The following RSPH14 variants were observed in gnomAD, a reference collection of about 807,000 sequenced individuals.
RSPH14 encodes rhabdoid tumor deletion region gene 1.
Under a neutral mutation model 26.7 loss-of-function variants are expected in RSPH14, and 20 were observed. The observed-to-expected ratio is 0.75, with a 90% CI of 0.53 to 1.09. RSPH14 has a LOEUF of 1.09. Among genes scored for constraint, RSPH14 ranks in the 50% least tolerant of loss-of-function variants. The pLI, the probability that RSPH14 is intolerant of heterozygous loss-of-function variation, is 0.00. For synonymous variants in RSPH14, 177 were observed against 189.3 expected, an observed-to-expected ratio of 0.93 and a Z score of 0.53; for missense variants, 449 against 457.2, an observed-to-expected ratio of 0.98 and a Z score of 0.16.
chr22:23,085,734 C>T (rs892163353), intron 4 of RSPH14, among the ~76,000 whole-genome samples: 3 of 152,222 alleles, frequency 2.0e-5, no homozygotes, highest in Admixed American at 2.0e-4. Flanking sequence ...GGCCCTGGTT[C>T]CCCATGTACC....
chr22:23,077,108 G>A (rs929827713), intron 4 of RSPH14, among the ~76,000 whole-genome samples: 3 of 152,088 alleles, frequency 2.0e-5, no homozygotes, highest in Admixed American at 6.5e-5. Flanking sequence ...TGTCTGCAGC[G>A]GGCACGGGAG....
At chr22:23,123,637 GCA>G in intron 4 of RSPH14, 29 of 579,202 alleles carry the variant, frequency 5.0e-5, no homozygotes, top group Non-Finnish European at 6.5e-5. Context: ...ACACACACAT[GCA>G]CACACACACA....
intron 4 of RSPH14, chr22:23,123,022 G>A: frequency 9.5e-7 from 1 of 1,057,970 alleles, no homozygotes; most frequent in Non-Finnish European, 1.4e-6. Flanking sequence ...TGGCAGGGCT[G>A]CAGGTCTAGG....
intron 4 of RSPH14, chr22:23,095,809 G>C (rs1210499666): frequency 6.2e-7 from 1 of 1,613,506 alleles, no homozygotes; most frequent in Non-Finnish European, 8.5e-7. Flanking sequence ...AGCTGCTCCT[G>C]CTGGGCACCA....
At chr22:23,083,019 G>T (rs2068723574) in intron 4 of RSPH14, among the ~76,000 whole-genome samples, 1 of 152,172 alleles carries the variant, frequency 6.6e-6, no homozygotes. Flanking sequence ...GAGACTGGGA[G>T]ACCAGGCAGG....
At chr22:23,157,874 T>C in the RSPH14 span, 13 of 1,568,934 alleles carry the variant, frequency 8.3e-6, no homozygotes, top group South Asian at 6.0e-5. Context: ...GTTCCGGTGC[T>C]GAGTGCCTGG....
chr22:23,159,714 TCAC>T, the RSPH14 span, among the ~76,000 whole-genome samples: 253 of 152,282 alleles, frequency 1.7e-3, 2 homozygotes, highest in African/African-American at 4.5e-3. Flanking sequence ...GCATGTGACA[TCAC>T]CTGGCATAGA....
the RSPH14 span, among the ~76,000 whole-genome samples, chr22:23,176,153 C>T: frequency 6.6e-6 from 1 of 152,224 alleles, no homozygotes; most frequent in African/African-American, 2.4e-5. Flanking sequence ...CATGGATGGG[C>T]TATGCGGACC....
intron 4 of RSPH14, among the ~76,000 whole-genome samples, chr22:23,126,125 C>T (rs899379931): frequency 6.6e-6 from 1 of 152,186 alleles, no homozygotes; most frequent in African/African-American, 2.4e-5. Flanking sequence ...GCTTTTAATG[C>T]CAACTGTGAA....
intron 4 of RSPH14, among the ~76,000 whole-genome samples, chr22:23,082,749 A>T (rs1486187540): frequency 6.6e-6 from 1 of 151,986 alleles, no homozygotes; most frequent in African/African-American, 2.4e-5. Context: ...ACCCAAGCGG[A>T]AGAGTCCAGG....
At chr22:23,123,857 C>CCAGCT (rs1020791007) in intron 4 of RSPH14, 4 of 222,434 alleles carry the variant, frequency 1.8e-5, no homozygotes, top group Non-Finnish European at 3.6e-5. Context: ...TGGAGGAGGG[C>CCAGCT]CAGCTCGCTG....
chr22:23,110,062 C>T (rs1335320188), intron 4 of RSPH14, among the ~76,000 whole-genome samples: 1 of 152,204 alleles, frequency 6.6e-6, no homozygotes, highest in African/African-American at 2.4e-5. Flanking sequence ...CTGTAAGTGA[C>T]CCTGGTCATC....
chr22:23,140,949 G>A (rs1348771016), intron 1 of RSPH14, among the ~76,000 whole-genome samples: 5 of 152,232 alleles, frequency 3.3e-5, no homozygotes, highest in Non-Finnish European at 7.3e-5. Flanking sequence ...CTAGAAGCCA[G>A]TGTTCAAATC....
upstream of RSPH14, chr22:23,146,458 C>A: frequency 7.5e-7 from 1 of 1,337,042 alleles, no homozygotes; most frequent in Non-Finnish European, 9.7e-7. Flanking sequence ...GTGATCCTCC[C>A]ACCTTGGCCT....
At chr22:23,109,048 C>T (rs556234013) in intron 4 of RSPH14, among the ~76,000 whole-genome samples, 1 of 152,294 alleles carries the variant, frequency 6.6e-6, no homozygotes, top group South Asian at 2.1e-4. Context: ...GATGTGTCAT[C>T]GTGGGAAGAG....
At chr22:23,123,084 C>A in intron 4 of RSPH14, 1 of 1,605,530 alleles carries the variant, frequency 6.2e-7, no homozygotes, top group Non-Finnish European at 8.5e-7. Context: ...TTCCTTTCCC[C>A]AGAGTCGGAT....
chr22:23,091,701 C>T (rs796116606), intron 4 of RSPH14, among the ~76,000 whole-genome samples: 2 of 152,350 alleles, frequency 1.3e-5, no homozygotes, highest in African/African-American at 2.4e-5. Flanking sequence ...CACACACGCA[C>T]CGCAATGGAC....
At position 23,130,515 on chromosome 22, in the gene RSPH14, A is replaced by AGAAAGAAAGAAAGAAAGAAC. The variant is rs1569193204; in HGVS notation, c.421+3510_421+3511insGTTCTTTCTTTCTTTCTTTC. Among the ~76,000 whole-genome samples the AGAAAGAAAGAAAGAAAGAAC allele has an allele frequency of 4.0e-5, 6 of 151,488 alleles. No homozygotes were observed. In the East Asian group the frequency reaches 9.7e-4, roughly 24 times the overall value. ...GAAAGAAAAAGAAAGAAAGAAAGAA[A>AGAAAGAAAGAAAGAAAGAAC]GAAAGAAAGAAAGAAAGAGAAAGAA... On this transcript the variant is annotated intron_variant, in intron 4 of 6. Coordinates refer to ENST00000216036, the MANE Select transcript of RSPH14 (RefSeq NM_014433.3).
the RSPH14 span, among the ~76,000 whole-genome samples, chr22:23,151,391 GCCCTCTGGGAGCAGGGTAGACACAAT>G: frequency 5.9e-5 from 9 of 152,200 alleles, no homozygotes; most frequent in Admixed American, 4.6e-4. Flanking sequence ...GAACGAAAGG[GCCCTCTGGGAGCAGGGTAGACACAAT>G]CCCTGCTCTC....
Sources: gnomAD v4.1 joint callset for allele counts (sites outside exome capture counted in the v4.1 genomes callset) on GRCh38, gnomAD v4.1.1 for gene constraint, MANE v1.5 for transcripts, NCBI Gene and HGNC (gene_info 2026-07-23, HGNC 2026-07-21) for gene names.